CTDP1: variants seen among roughly 807,000 people sequenced by gnomAD.
The protein encoded by CTDP1 is CTD phosphatase 1.
A neutral mutation model predicts 91.8 loss-of-function variants in CTDP1; 47 were observed. That is an observed-to-expected ratio of 0.51 (90% CI 0.41 to 0.65). The LOEUF is 0.65. CTDP1 is among the 30% of genes least tolerant of loss of function. The pLI, the probability that CTDP1 is intolerant of heterozygous loss-of-function variation, is 0.00. For synonymous variants in CTDP1, 656 were observed against 598.5 expected, an observed-to-expected ratio of 1.10 and a Z score of -1.40; for missense variants, 1,272 against 1,373.7, an observed-to-expected ratio of 0.93 and a Z score of 1.17.
intron 6 of CTDP1, 125 bp from the exon 7 acceptor site, chr18:79,712,847 C>G (rs187573619): frequency 5.0e-6 from 5 of 1,009,594 alleles, no homozygotes; most frequent in Non-Finnish European, 7.5e-6. Flanking sequence ...GGTTGGTGTC[C>G]GTCTGATTAA....
chr18:79,694,404 G>T (rs1304339790), intron 1 of CTDP1, among the ~76,000 whole-genome samples: 1 of 107,538 alleles, frequency 9.3e-6, no homozygotes, highest in African/African-American at 3.1e-5. Flanking sequence ...TGTCCGCGGG[G>T]CGCGGTGGTC....
At chr18:79,736,971 G>C (rs1480853343) in intron 12 of CTDP1, among the ~76,000 whole-genome samples, 1 of 152,162 alleles carries the variant, frequency 6.6e-6, no homozygotes, top group Non-Finnish European at 1.5e-5. Context: ...GCGTGTGCAG[G>C]GTCTGCACAT....
At chr18:79,691,337 C>T (rs934015283) in intron 1 of CTDP1, among the ~76,000 whole-genome samples, 2 of 152,218 alleles carry the variant, frequency 1.3e-5, no homozygotes, top group African/African-American at 4.8e-5. Flanking sequence ...GCTCTTAGAC[C>T]TGTGCTGGGG....
chr18:79,738,023 TCCCCCCGCCC>T (rs2086701523), intron 12 of CTDP1, among the ~76,000 whole-genome samples: 5 of 12,974 alleles, frequency 3.9e-4, no homozygotes, highest in Non-Finnish European at 7.3e-4. Flanking sequence ...GGTCCCCGCC[TCCCCCCGCCC>T]GCCCTGCTCA....
At chr18:79,705,067 A>T in intron 5 of CTDP1, 150 bp downstream of exon 5, 1 of 1,293,864 alleles carries the variant, frequency 7.7e-7, no homozygotes, top group South Asian at 1.3e-5. Flanking sequence ...GGGTTGTGAG[A>T]GGTAAGGGAA....
intron 3 of CTDP1, among the ~76,000 whole-genome samples, chr18:79,696,481 C>T (rs473239): frequency 0.77 from 116,756 of 151,516 alleles, 45,275 homozygotes; most frequent in Middle Eastern, 0.82. Flanking sequence ...GGGCAAAGCG[C>T]ATATTGGGGC....
In CTDP1 at chr18:79,694,383, G is replaced by A. The variant is rs1345735820; in HGVS notation, c.315-842G>A. 8.8e-5 allele frequency among the ~76,000 whole-genome samples: 9 copies of A among 102,368 alleles called. 2 individuals carry two copies. Among genetic ancestry groups the A allele is most frequent in the African/African-American group, 2.9e-4 (9 of 31,440 alleles). 67.2% of individuals were successfully genotyped at this position (102,368 alleles called of 152,430 possible). On this transcript the variant is annotated intron_variant, in intron 1 of 12. Transcript: ENST00000613122. ...CGAGCTCCTAGGGACACTGAGTGCC[G>A]GGCAGCCTCGTGTCCGCGGGGCGCG...
chr18:79,753,533 A>G, intron 12 of CTDP1, 119 bp from the exon 13 acceptor site: 3 of 1,508,880 alleles, frequency 2.0e-6, no homozygotes, highest in Non-Finnish European at 2.7e-6. Flanking sequence ...GTCCTTGACC[A>G]GAGAATTGTG....
At chr18:79,751,309 C>T (rs2122904605) in intron 12 of CTDP1, among the ~76,000 whole-genome samples, 1 of 134,968 alleles carries the variant, frequency 7.4e-6, no homozygotes, top group Non-Finnish European at 1.6e-5. Flanking sequence ...ACACAGAGGG[C>T]AGGCCAGGGA....
intron 11 of CTDP1, among the ~76,000 whole-genome samples, chr18:79,734,045 A>G (rs1035308684): frequency 6.6e-6 from 1 of 152,222 alleles, no homozygotes; most frequent in Admixed American, 6.5e-5. Context: ...ACAATTTTCT[A>G]ACTTTACAAT....
At chr18:79,741,790 CAG>C (rs1280110612) in intron 12 of CTDP1, among the ~76,000 whole-genome samples, 2 of 152,184 alleles carry the variant, frequency 1.3e-5, no homozygotes, top group East Asian at 3.8e-4. Flanking sequence ...TCTTAGACAA[CAG>C]GGAATAGTGC....
intron 11 of CTDP1, among the ~76,000 whole-genome samples, chr18:79,734,615 C>T (rs1599296746): frequency 1.3e-5 from 2 of 152,012 alleles, no homozygotes; most frequent in South Asian, 2.1e-4. Context: ...GGTCCGTGGG[C>T]TGCCGTGCTG....
At chr18:79,737,843 C>T (rs1568214308) in intron 12 of CTDP1, among the ~76,000 whole-genome samples, 1 of 152,172 alleles carries the variant, frequency 6.6e-6, no homozygotes, top group African/African-American at 2.4e-5. Context: ...TTCCTATGAC[C>T]GTAAATTGCT....
intron 12 of CTDP1, among the ~76,000 whole-genome samples, 190 bp downstream of exon 12, chr18:79,736,711 T>C (rs980745767): frequency 2.0e-5 from 3 of 151,732 alleles, no homozygotes; most frequent in African/African-American, 7.3e-5. Context: ...CCATGTCATC[T>C]TACATGTGTG....
At chr18:79,696,762 C>G (rs556923967) in intron 3 of CTDP1, among the ~76,000 whole-genome samples, 2 of 152,124 alleles carry the variant, frequency 1.3e-5, no homozygotes, top group Non-Finnish European at 2.9e-5. Flanking sequence ...TGCTACGCCT[C>G]GTTTATGTAT....
rs760920001 is a variant in CTDP1, at chr18:79,715,023, G to T, written c.1563G>T (p.Ala521=). Residue 521 remains alanine (A), a synonymous_variant, in exon 8 of 13, where the codon GCG becomes GCT. Coordinates refer to ENST00000613122, the MANE Select transcript of CTDP1 (RefSeq NM_004715.5). ...TCCCCGGAGAGGCCGAGCCTGGCGC[G>T]CATGCCCCGGACAAGGAGCCTGAGC... ...PSLPGEAEPG[A]HAPDKEPELG... The T allele has an allele frequency of 1.2e-6, 2 of 1,600,418 alleles. No individual in the cohort carries two copies. Among genetic ancestry groups the T allele is most frequent in the Non-Finnish European group, 8.5e-7 (1 of 1,174,584 alleles).
Position 79,710,367 on chromosome 18 carries a change from A to G in CTDP1, c.794A>G (p.Lys265Arg), listed in dbSNP as rs2086055265. 5.6e-6 allele frequency: 9 copies of G among 1,613,936 alleles called. No individual in the cohort carries two copies. Among genetic ancestry groups the G allele is most frequent in the Non-Finnish European group, 5.1e-6 (6 of 1,179,912 alleles). The part of the protein sequence containing the change: ...TIAGFLDPEK[K>R]LFSHRILSRD... ...CAAGGCTTTTTAGACCCCGAGAAGA[A>G]GCTTTTTTCTCACCGAATATTATCA... Residue 265 changes from lysine to arginine, a missense_variant, in exon 6 of 13, where the codon AAG (lysine) becomes AGG (arginine). By Grantham distance (26) the Lys-to-Arg change is conservative. Around this residue, in one of 3 missense-constraint regions of CTDP1, gnomAD observed 177 missense variants for 283.0 expected, o/e 0.63. Coordinates refer to ENST00000613122, the MANE Select transcript of CTDP1 (RefSeq NM_004715.5).
upstream of CTDP1, chr18:79,679,090 G>C (rs1301700022): frequency 1.7e-5 from 5 of 289,988 alleles, no homozygotes; most frequent in Non-Finnish European, 3.4e-5. Flanking sequence ...GGGCCACTGA[G>C]ACCACGCGCC....
chr18:79,728,546 C>T (rs2086497860), intron 10 of CTDP1, among the ~76,000 whole-genome samples: 1 of 152,166 alleles, frequency 6.6e-6, no homozygotes, highest in East Asian at 1.9e-4. Context: ...GGGTGAATGA[C>T]ATGTCCTGGG....
Sources: allele counts gnomAD v4.1 joint callset (sites outside exome capture counted in the v4.1 genomes callset), GRCh38; gene constraint gnomAD v4.1.1; regional missense constraint gnomAD v4.1.1; transcripts MANE v1.5; gene names NCBI Gene and HGNC (gene_info 2026-07-23, HGNC 2026-07-21).